Variants in OLFML2B observed in about 807,000 individuals in gnomAD.
OLFML2B encodes the protein olfactomedin-like protein 2B.
In OLFML2B, 57 loss-of-function variants were observed where a neutral mutation model predicts 74.9. The observed-to-expected ratio is 0.76, with a 90% confidence interval of 0.61 to 0.95. OLFML2B has a LOEUF of 0.95. Ranked by LOEUF, OLFML2B falls within the 40% of genes least tolerant of loss-of-function variation. The pLI is 0.00. For synonymous variants in OLFML2B, 388 were observed against 405.8 expected (o/e 0.96, Z 0.53); for missense variants, 986 against 970.6 (o/e 1.02, Z -0.21).
Position 162,020,004 on chromosome 1 carries a change from C to T in OLFML2B, c.353G>A (p.Cys118Tyr). 2 of 1,614,222 alleles carry T rather than the reference C, an allele frequency of 1.2e-6. No homozygotes were observed. Among genetic ancestry groups the T allele is most frequent in the Non-Finnish European group, 1.7e-6 (2 of 1,180,028 alleles). Residue 118 changes from cysteine to tyrosine, a missense_variant, in exon 2 of 8, where the codon TGT becomes TAT. Physicochemically the swap from Cys to Tyr is radical, Grantham distance 194. Coordinates refer to ENST00000294794, the MANE Select transcript of OLFML2B (RefSeq NM_015441.3). ...ITSGSSCKCA[C>Y]VAPPSALNPC... ...ATTGAGGGCCGATGGGGGTGCTACA[C>T]AGGCACACTTGCACGACGAGCCTGA...
At chr1:162,018,330 C>T (rs748623298) in intron 2 of OLFML2B, among the ~76,000 whole-genome samples, 1 of 152,202 alleles carries the variant, frequency 6.6e-6, no homozygotes, top group Non-Finnish European at 1.5e-5. Context: ...CTGTATCCTT[C>T]ATCTCTGTTT....
chr1:161,994,169 C>T (rs1689822195), intron 6 of OLFML2B, among the ~76,000 whole-genome samples: 1 of 152,210 alleles, frequency 6.6e-6, no homozygotes, highest in South Asian at 2.1e-4. Flanking sequence ...GGAGCTGGGG[C>T]TGTGGAGCTG....
intron 6 of OLFML2B, among the ~76,000 whole-genome samples, chr1:161,989,866 T>G (rs1012616954): frequency 3.9e-5 from 6 of 152,296 alleles, no homozygotes; most frequent in African/African-American, 1.2e-4. Flanking sequence ...ACAAGGTAGG[T>G]GTGTTGCCCC....
At chr1:162,002,395 C>A (rs775971360) in intron 4 of OLFML2B, among the ~76,000 whole-genome samples, 3 of 152,200 alleles carry the variant, frequency 2.0e-5, no homozygotes, top group Non-Finnish European at 4.4e-5. Context: ...AGAGCAGAGC[C>A]CATGTGGAAA....
intron 2 of OLFML2B, among the ~76,000 whole-genome samples, chr1:162,019,119 C>T (rs1269108438): frequency 6.6e-6 from 1 of 152,190 alleles, no homozygotes; most frequent in African/African-American, 2.4e-5. Flanking sequence ...TGAGTGAGTG[C>T]CAGATGCCAG....
At chr1:162,016,173 C>G (rs2101977616) in intron 3 of OLFML2B, among the ~76,000 whole-genome samples, 1 of 152,354 alleles carries the variant, frequency 6.6e-6, no homozygotes, top group Non-Finnish European at 1.5e-5. Context: ...TGTTTGTCCT[C>G]AATCTCTCCA....
In OLFML2B at chr1:162,000,270, C is replaced by T. The variant is rs753311692; in HGVS notation, c.792G>A (p.Thr264=). ...CCACCTCAGGCAGAGCCAGGGGTCGCGTCTGCAGAAGTTCGATGGAGTTGA... is the reference window on the plus strand; with the variant it reads ...CCACCTCAGGCAGAGCCAGGGGTCGTGTCTGCAGAAGTTCGATGGAGTTGA... ...QQINSIELLQ[T]RPLALPEVVK... is the part of the protein sequence containing the mutation. Residue 264 remains threonine (T), a synonymous_variant, in exon 5 of 8, where the codon ACG becomes ACA. Coordinates refer to ENST00000294794, the MANE Select transcript of OLFML2B (RefSeq NM_015441.3). 3.7e-6 allele frequency: 6 copies of T among 1,613,510 alleles called. No homozygotes were observed. Among genetic ancestry groups the T allele is most frequent in the Admixed American group, 3.3e-5 (2 of 60,006 alleles).
At chr1:161,996,347 A>G (rs1402414854) in intron 6 of OLFML2B, among the ~76,000 whole-genome samples, 2 of 152,230 alleles carry the variant, frequency 1.3e-5, no homozygotes, top group African/African-American at 4.8e-5. Flanking sequence ...CATAGCATAT[A>G]CTGAGACCCA....
intron 4 of OLFML2B, among the ~76,000 whole-genome samples, chr1:162,002,712 G>A (rs1690114905): frequency 6.6e-6 from 1 of 152,186 alleles, no homozygotes; most frequent in African/African-American, 2.4e-5. Flanking sequence ...CTCCTGAAAG[G>A]TAGGGGACAT....
In OLFML2B at chr1:162,000,187, T is replaced by C. The variant is rs755569222; in HGVS notation, c.875A>G (p.Gln292Arg). ...GGTGATGCCCCGGATGACAGTGGGC[T>C]GGGAGGCCGGCCGGCCTCTCAGGTG... ...QVHLRGRPAS[Q>R]PTVIRGITYY... Residue 292 changes from glutamine to arginine, a missense_variant, in exon 5 of 8, where the codon CAG (glutamine) becomes CGG (arginine). Physicochemically the swap from Gln to Arg is conservative, Grantham distance 43. Transcript: ENST00000294794. 3.7e-6 allele frequency: 6 copies of C among 1,613,806 alleles called. No homozygotes were observed. The highest frequency in any genetic ancestry group is 5.1e-6 in the Non-Finnish European group (6 of 1,179,844).
At chr1:162,017,646 T>C in intron 2 of OLFML2B, 139 bp from the exon 3 acceptor site, 2 of 609,748 alleles carry the variant, frequency 3.3e-6, no homozygotes, top group Non-Finnish European at 5.7e-6. Context: ...GAAACACATT[T>C]GTGTAGACAG....
chr1:162,021,348 C>T (rs894811293), intron 1 of OLFML2B, among the ~76,000 whole-genome samples: 1 of 152,252 alleles, frequency 6.6e-6, no homozygotes, highest in African/African-American at 2.4e-5. Context: ...CCCCTGCCAG[C>T]CTCCCCAGGC....
Position 162,006,314 on chromosome 1 carries a change from C to G in OLFML2B, c.706G>C (p.Ala236Pro). ...GGCTATACCTCTGGGTGGGCGTAGGCTGCTGCTGCATCCCTCTGCAGGGCT... is the reference window on the plus strand; with the variant it reads ...GGCTATACCTCTGGGTGGGCGTAGGGTGCTGCTGCATCCCTCTGCAGGGCT... ...RSALQRDAAA[A>P]YAHPEYEERF... Residue 236 changes from alanine (A) to proline (P), a missense_variant, in exon 4 of 8, where the codon GCC becomes CCC. Coordinates refer to ENST00000294794, the MANE Select transcript of OLFML2B (RefSeq NM_015441.3). 1 of 1,597,228 alleles carries G rather than the reference C, an allele frequency of 6.3e-7. No homozygotes were observed.
chr1:161,984,939 TGGTCGGC>T lies in OLFML2B; in HGVS notation c.1509_1515del (p.Thr505ArgfsTer12). The stretch of plus-strand genomic sequence containing the variant: ...TCATTCCGCCCATATGTGTTCTGGG[TGGTCGGC>T]CCCGTGATTGTGGAGAGAGTGTCCT... On this transcript the variant is annotated frameshift_variant, in exon 7 of 8. Coordinates refer to ENST00000294794, the MANE Select transcript of OLFML2B (RefSeq NM_015441.3). LOFTEE classifies it high-confidence loss of function. 6.2e-6 allele frequency: 10 copies of T among 1,611,734 alleles called. No homozygotes were observed. The highest frequency in any genetic ancestry group is 8.5e-6 in the Non-Finnish European group (10 of 1,179,430).
intron 1 of OLFML2B, among the ~76,000 whole-genome samples, chr1:162,022,042 T>G (rs78323257): frequency 0.011 from 1,678 of 152,168 alleles, 15 homozygotes; most frequent in Middle Eastern, 0.027. Context: ...TCCTAGGGCT[T>G]GGTGGAGGTG....
Position 162,003,381 on chromosome 1 carries a change from C to T in OLFML2B, c.723+2916G>A, listed in dbSNP as rs1044730878. Among the ~76,000 whole-genome samples, 17 of 152,216 alleles carry T rather than the reference C, an allele frequency of 1.1e-4. 1 individual carries two copies. Among genetic ancestry groups the T allele is most frequent in the African/African-American group, 3.1e-4 (13 of 41,450 alleles). Reference sequence around the variant, plus strand: ...TTGCAAAAGCAGGTTGTCATTTCTTCGCCGCAAACCCCAGTAACTGTCTTT... The same window carrying T: ...TTGCAAAAGCAGGTTGTCATTTCTTTGCCGCAAACCCCAGTAACTGTCTTT... On this transcript the variant is annotated intron_variant, in intron 4 of 7. Coordinates refer to ENST00000294794, the MANE Select transcript of OLFML2B (RefSeq NM_015441.3).
chr1:162,009,001 C>T (rs1690305602), intron 3 of OLFML2B, among the ~76,000 whole-genome samples: 1 of 152,152 alleles, frequency 6.6e-6, no homozygotes, highest in African/African-American at 2.4e-5. Flanking sequence ...GATCACCAAG[C>T]CCAGCAGGTG....
chr1:162,021,478 C>G (rs1203027083), intron 1 of OLFML2B, among the ~76,000 whole-genome samples: 1 of 152,204 alleles, frequency 6.6e-6, no homozygotes, highest in African/African-American at 2.4e-5. Context: ...GGCTCCCTTC[C>G]TAGGCAGGCA....
Position 161,983,981 on chromosome 1 carries a change from G to T in OLFML2B, c.1947C>A (p.Ser649Arg), listed in dbSNP as rs1244218899. 2.5e-6 allele frequency: 4 copies of T among 1,614,100 alleles called. No homozygotes were observed. The change falls in exon 8 of 8, where the codon AGC (serine) becomes AGA (arginine). Residue 649 changes from serine to arginine, a missense_variant. Coordinates refer to ENST00000294794, the MANE Select transcript of OLFML2B (RefSeq NM_015441.3). The part of the protein sequence containing the change: ...EGFSQEVIVL[S>R]KLNAADLSTQ... ...TGCTCAGGTCCGCGGCATTGAGCTTGCTCAGGACAATGACCTCCTGGCTGA... is the reference window on the plus strand; with the variant it reads ...TGCTCAGGTCCGCGGCATTGAGCTTTCTCAGGACAATGACCTCCTGGCTGA...
Sources: gnomAD v4.1 joint callset for allele counts (sites outside exome capture counted in the v4.1 genomes callset) on GRCh38, gnomAD v4.1.1 for gene constraint, MANE v1.5 for transcripts, NCBI Gene and HGNC (gene_info 2026-07-23, HGNC 2026-07-21) for gene names.